CADM1: variants seen among roughly 807,000 people sequenced by gnomAD.
The protein encoded by CADM1 is cell adhesion molecule 1.
A neutral mutation model predicts 53.1 loss-of-function variants in CADM1; 15 were observed. That is an observed-to-expected ratio of 0.28 (90% CI 0.19 to 0.44). The LOEUF is 0.44. Among genes scored for constraint, CADM1 ranks in the 20% least tolerant of loss-of-function variants. The pLI, the probability that CADM1 is intolerant of heterozygous loss-of-function variation, is 1.00. For synonymous variants in CADM1, 281 were observed against 243.0 expected, an observed-to-expected ratio of 1.16 and a Z score of -1.45; for missense variants, 434 against 611.3, an observed-to-expected ratio of 0.71 and a Z score of 3.06.
At chr11:115,447,277 A>G (rs17118343) in intron 1 of CADM1, among the ~76,000 whole-genome samples, 112 of 152,324 alleles carry the variant, frequency 7.4e-4, no homozygotes, top group African/African-American at 2.7e-3. Flanking sequence ...TTGAAATGTG[A>G]ACCTGCCATT....
At chr11:115,252,623 G>C (rs571794433) in intron 1 of CADM1, among the ~76,000 whole-genome samples, 1 of 152,106 alleles carries the variant, frequency 6.6e-6, no homozygotes, top group Non-Finnish European at 1.5e-5. Context: ...CTTATCGTCT[G>C]GGTTTCCTCC....
At chr11:115,316,910 A>T (rs779146339) in intron 1 of CADM1, among the ~76,000 whole-genome samples, 2 of 152,208 alleles carry the variant, frequency 1.3e-5, no homozygotes, top group Non-Finnish European at 2.9e-5. Context: ...AATGAATTGC[A>T]GATCACGAGC....
At chr11:115,365,290 T>G (rs1307216039) in intron 1 of CADM1, among the ~76,000 whole-genome samples, 1 of 152,214 alleles carries the variant, frequency 6.6e-6, no homozygotes, top group East Asian at 1.9e-4. Context: ...GCAGAATGTT[T>G]GAATGGCCTT....
chr11:115,248,366 C>A (rs1397267521), intron 1 of CADM1, among the ~76,000 whole-genome samples: 2 of 152,154 alleles, frequency 1.3e-5, no homozygotes, highest in Non-Finnish European at 2.9e-5. Flanking sequence ...ACTTTTTAAT[C>A]AGGGCCCACA....
chr11:115,462,995 T>C (rs79988784), intron 1 of CADM1, among the ~76,000 whole-genome samples: 1 of 152,306 alleles, frequency 6.6e-6, no homozygotes, highest in East Asian at 1.9e-4. Flanking sequence ...GAGAAATAAA[T>C]TGAGCTAGAG....
intron 1 of CADM1, among the ~76,000 whole-genome samples, chr11:115,252,485 T>C (rs577923886): frequency 2.6e-5 from 4 of 152,344 alleles, no homozygotes; most frequent in African/African-American, 9.6e-5. Flanking sequence ...CAAATTAAAA[T>C]ATCTTTATCA....
intron 1 of CADM1, among the ~76,000 whole-genome samples, chr11:115,469,891 T>C (rs988767164): frequency 1.3e-5 from 2 of 152,140 alleles, no homozygotes; most frequent in Non-Finnish European, 2.9e-5. Flanking sequence ...AGGCTGGTCT[T>C]GAACTCCTGA....
rs1348074563 is a variant in CADM1, at chr11:115,174,279, GTTT to G, written c.*2192_*2194del. ...AGCAATGGTGTGATTTTTTTTTTTT[GTTT>G]TTGTTTTTGTTTTTCTTTTTTTCTA... On this transcript the variant is annotated 3_prime_UTR_variant, in exon 12 of 12. Coordinates refer to ENST00000331581, the MANE Select transcript of CADM1 (RefSeq NM_001301043.2). 2.5e-5 allele frequency: 24 copies of G among 947,750 alleles called. No homozygotes were observed. In the Admixed American group the frequency reaches 4.1e-4, roughly 16 times the overall value. The allele number at this position is 947,750 out of a possible 1,614,324, so 58.7% of individuals were successfully genotyped here. A position where few individuals can be genotyped will look rare whatever the true frequency, so the allele number is the denominator to read the frequency against.
chr11:115,196,483 T>C (rs1940150908), intron 9 of CADM1, among the ~76,000 whole-genome samples: 1 of 151,598 alleles, frequency 6.6e-6, no homozygotes, highest in Admixed American at 6.6e-5. Context: ...TTAGGAATTG[T>C]ATGGTTACAT....
chr11:115,405,153 C>T (rs936291405), intron 1 of CADM1, among the ~76,000 whole-genome samples: 1 of 152,094 alleles, frequency 6.6e-6, no homozygotes, highest in African/African-American at 2.4e-5. Flanking sequence ...CGGGGTCTTG[C>T]TGTTGCCCAT....
intron 1 of CADM1, among the ~76,000 whole-genome samples, chr11:115,387,510 C>G (rs1055728537): frequency 6.6e-6 from 1 of 152,146 alleles, no homozygotes; most frequent in African/African-American, 2.4e-5. Context: ...ATTTTACTAT[C>G]TACCCTATTC....
At position 115,279,882 on chromosome 11, in the gene CADM1, G is replaced by A. The variant is rs527541838; in HGVS notation, c.125-39462C>T. Among the ~76,000 whole-genome samples, 10 of 152,238 alleles carry A rather than the reference G, an allele frequency of 6.6e-5. No individual in the cohort carries two copies. The South Asian group carries it at 1.7e-3, about 25-fold the overall frequency. On this transcript the variant is annotated intron_variant, in intron 1 of 11. Coordinates refer to ENST00000331581, the MANE Select transcript of CADM1 (RefSeq NM_001301043.2). The stretch of plus-strand genomic sequence containing the variant: ...ATTTAGCTCCTACCCAGCTCATCAC[G>A]CTGCAATGTTCCCCTGTCCCCAAAT...
intron 1 of CADM1, among the ~76,000 whole-genome samples, chr11:115,446,008 C>T (rs1044630270): frequency 1.3e-5 from 2 of 152,044 alleles, no homozygotes; most frequent in Admixed American, 6.6e-5. Context: ...GACTTTCCTT[C>T]AGTTCAAAAG....
At chr11:115,313,897 A>G (rs1176293761) in intron 1 of CADM1, among the ~76,000 whole-genome samples, 2 of 152,174 alleles carry the variant, frequency 1.3e-5, no homozygotes, top group Non-Finnish European at 2.9e-5. Context: ...AAGCCAACCC[A>G]TCCATAGATC....
At chr11:115,190,740 G>A (rs967787959) in intron 10 of CADM1, 148 bp downstream of exon 10, 6 of 593,136 alleles carry the variant, frequency 1.0e-5, no homozygotes, top group African/African-American at 1.8e-5. Flanking sequence ...GGTGACCGGG[G>A]AGGAAGACAG....
At chr11:115,248,347 C>A (rs974597818) in intron 1 of CADM1, among the ~76,000 whole-genome samples, 1 of 152,142 alleles carries the variant, frequency 6.6e-6, no homozygotes, top group African/African-American at 2.4e-5. Context: ...AAAGACTGAG[C>A]TCAATATGAC....
chr11:115,212,492 A>C (rs1436928261), intron 7 of CADM1, among the ~76,000 whole-genome samples: 1 of 152,206 alleles, frequency 6.6e-6, no homozygotes, highest in Non-Finnish European at 1.5e-5. Flanking sequence ...CTAGACAAGG[A>C]TAGGTGTACC....
chr11:115,258,151 T>C (rs1942854059), intron 1 of CADM1, among the ~76,000 whole-genome samples: 1 of 152,184 alleles, frequency 6.6e-6, no homozygotes, highest in African/African-American at 2.4e-5. Context: ...CCATGAGGAC[T>C]TTTCTCATGG....
At chr11:115,462,541 A>C (rs1247789188) in intron 1 of CADM1, among the ~76,000 whole-genome samples, 1 of 152,156 alleles carries the variant, frequency 6.6e-6, no homozygotes, top group Non-Finnish European at 1.5e-5. Context: ...ATCTCATCTC[A>C]CACAGAATTA....
Sources: gnomAD v4.1 joint callset for allele counts (sites outside exome capture counted in the v4.1 genomes callset) on GRCh38, gnomAD v4.1.1 for gene constraint, MANE v1.5 for transcripts, NCBI Gene and HGNC (gene_info 2026-07-23, HGNC 2026-07-21) for gene names.